The following VIT variants were observed in gnomAD, a reference collection of about 807,000 sequenced individuals.
The protein encoded by VIT is vitrin.
Under a neutral mutation model 78.0 loss-of-function variants are expected in VIT, and 99 were observed. That is an observed-to-expected ratio of 1.27 (90% confidence interval 1.08 to 1.50). The LOEUF (loss-of-function observed/expected upper bound fraction) is 1.50. Among genes scored for constraint, VIT ranks in the 40% most tolerant of loss-of-function variants. The probability of loss-of-function intolerance (pLI) is 0.00; values close to 1 mark genes in which losing one functional copy is unlikely to be tolerated. For missense variants in VIT, 1,126 were observed against 875.3 expected, an observed-to-expected ratio of 1.29 and a Z score of -3.61; for synonymous variants, 374 against 334.3, an observed-to-expected ratio of 1.12 and a Z score of -1.29.
intron 2 of VIT, among the ~76,000 whole-genome samples, chr2:36,721,650 G>T (rs954114022): frequency 2.0e-5 from 3 of 152,104 alleles, no homozygotes; most frequent in Admixed American, 1.3e-4. Flanking sequence ...TATGGCTCTT[G>T]CTCTCCTCCC....
chr2:36,774,185 A>G (rs1669920890), intron 8 of VIT, among the ~76,000 whole-genome samples: 1 of 152,164 alleles, frequency 6.6e-6, no homozygotes, highest in African/African-American at 2.4e-5. Context: ...ACGAAGGGAA[A>G]TTTGTATCAT....
intron 6 of VIT, among the ~76,000 whole-genome samples, 185 bp from the exon 7 acceptor site, chr2:36,766,909 G>A (rs1185944350): frequency 6.6e-6 from 1 of 152,240 alleles, no homozygotes. Flanking sequence ...TTGATTGAGT[G>A]ATTGCTCTGA....
chr2:36,712,329 A>G (rs536896404), intron 1 of VIT, among the ~76,000 whole-genome samples: 1 of 152,266 alleles, frequency 6.6e-6, no homozygotes, highest in Admixed American at 6.5e-5. Flanking sequence ...CGCGGGGATT[A>G]GAGCAACTCC....
intron 1 of VIT, among the ~76,000 whole-genome samples, chr2:36,711,811 G>C (rs1259414035): frequency 1.3e-5 from 2 of 152,188 alleles, no homozygotes; most frequent in South Asian, 2.1e-4. Flanking sequence ...TGGGCAGAAA[G>C]AGAGATCTAA....
intron 15 of VIT, among the ~76,000 whole-genome samples, chr2:36,812,788 G>A (rs1479221839): frequency 1.3e-5 from 2 of 151,420 alleles, no homozygotes; most frequent in Non-Finnish European, 2.9e-5. Context: ...AGTTCATTTG[G>A]TTTCTTTGGC....
At chr2:36,749,917 A>G (rs925773416) in intron 4 of VIT, among the ~76,000 whole-genome samples, 1 of 152,226 alleles carries the variant, frequency 6.6e-6, no homozygotes. Context: ...AATTTGAGGG[A>G]GCAGTAAGAC....
At chr2:36,748,304 A>G (rs945558711) in intron 4 of VIT, among the ~76,000 whole-genome samples, 1 of 152,172 alleles carries the variant, frequency 6.6e-6, no homozygotes, top group African/African-American at 2.4e-5. Context: ...CATGAACTAT[A>G]TATCCTCAAA....
intron 9 of VIT, among the ~76,000 whole-genome samples, chr2:36,777,088 C>T (rs201618954): frequency 2.9e-5 from 2 of 69,644 alleles, no homozygotes; most frequent in Non-Finnish European, 7.8e-5. Flanking sequence ...GACTCTGTCT[C>T]AAAAAAATTA....
chr2:36,774,663 T>C (rs1421351058), intron 8 of VIT: 9 of 985,294 alleles, frequency 9.1e-6, no homozygotes, highest in Non-Finnish European at 1.1e-5. Flanking sequence ...TTCTATGAGC[T>C]TCACAATTGC....
At chr2:36,738,150 T>G (rs922538312) in intron 3 of VIT, among the ~76,000 whole-genome samples, 1 of 152,192 alleles carries the variant, frequency 6.6e-6, no homozygotes, top group Non-Finnish European at 1.5e-5. Context: ...AGATATATAC[T>G]GCATTCACCC....
chr2:36,798,057 G>A (rs1294338573), intron 12 of VIT, among the ~76,000 whole-genome samples: 3 of 152,104 alleles, frequency 2.0e-5, no homozygotes, highest in Admixed American at 6.6e-5. Context: ...ATTTTGACTA[G>A]AACATGGAAT....
chr2:36,775,079 A>C lies in VIT; in HGVS notation c.802+12A>C, dbSNP rs759625281. ...GGATGTCAGCCTGGGTAAGCTGCCC[A>C]CTGCTTACCATCTCTGCTCCCTAGG... is the stretch of plus-strand genomic sequence containing the variant. On this transcript the variant is annotated intron_variant, in intron 9 of 15. Transcript: ENST00000379242. The C allele has an allele frequency of 6.2e-7, 1 of 1,613,356 alleles. No homozygotes were observed. The highest frequency in any genetic ancestry group is 8.5e-7 in the Non-Finnish European group (1 of 1,179,932).
chr2:36,770,547 G>T (rs1375427221), intron 7 of VIT, among the ~76,000 whole-genome samples: 1 of 152,198 alleles, frequency 6.6e-6, no homozygotes, highest in Non-Finnish European at 1.5e-5. Context: ...AGTCAAGGCT[G>T]GGGGTAAGGG....
intron 1 of VIT, among the ~76,000 whole-genome samples, chr2:36,700,292 G>C (rs1664970858): frequency 6.6e-6 from 1 of 152,114 alleles, no homozygotes; most frequent in South Asian, 2.1e-4. Context: ...CCCTCTCACT[G>C]TCTTAAAATG....
rs1667945405 is a variant in VIT at position 36,743,259 on chromosome 2, G to A, written c.275+3G>A. ...GTGTGTGGCGCTGCCGTACACAGGT[G>A]AGTGGTTCTGAGCTACTTAATAACT... On this transcript the variant is annotated splice_donor_region_variant and intron_variant, in intron 4 of 15. Coordinates refer to ENST00000379242, the MANE Select transcript of VIT (RefSeq NM_053276.4). 1.2e-6 allele frequency: 2 copies of A among 1,611,212 alleles called. No homozygotes were observed.
chr2:36,804,760 G>A (rs1233304904), intron 13 of VIT, among the ~76,000 whole-genome samples: 2 of 151,948 alleles, frequency 1.3e-5, no homozygotes, highest in South Asian at 2.1e-4. Flanking sequence ...AACCTGGGAG[G>A]TGGAGGTTGC....
chr2:36,750,985 C>G (rs181023210), intron 4 of VIT, among the ~76,000 whole-genome samples: 1 of 152,038 alleles, frequency 6.6e-6, no homozygotes, highest in Non-Finnish European at 1.5e-5. Context: ...TAGGGCTACG[C>G]GTGGTGGCTC....
intron 6 of VIT, among the ~76,000 whole-genome samples, chr2:36,765,433 GAAA>G (rs1669368623): frequency 3.9e-5 from 4 of 103,274 alleles, no homozygotes; most frequent in African/African-American, 1.3e-4. Flanking sequence ...GAGAGAGAGA[GAAA>G]GAGAGAGAGA....
intron 14 of VIT, 65 bp downstream of exon 14, chr2:36,805,729 C>G: frequency 6.6e-7 from 1 of 1,525,664 alleles, no homozygotes; most frequent in Non-Finnish European, 8.9e-7. Context: ...ATTGTAACGC[C>G]GTTGCAGTGG....
Sources: gnomAD v4.1 joint callset for allele counts (sites outside exome capture counted in the v4.1 genomes callset) on GRCh38, gnomAD v4.1.1 for gene constraint, MANE v1.5 for transcripts, NCBI Gene and HGNC (gene_info 2026-07-23, HGNC 2026-07-21) for gene names.